FGG: variants seen among roughly 807,000 people sequenced by gnomAD.
The protein encoded by FGG is fibrinogen gamma chain, also known as fibrinogen, gamma polypeptide.
A neutral mutation model predicts 51.7 loss-of-function variants in FGG; 20 were observed. The ratio of observed to expected loss-of-function variants is 0.39; its 90% CI spans 0.27 to 0.56. FGG has a LOEUF of 0.56. FGG is among the 20% of genes least tolerant of loss of function. The pLI is 0.64. For missense variants in FGG, 460 were observed against 534.2 expected (o/e 0.86, Z 1.37); for synonymous variants, 184 against 184.7 (o/e 1.00, Z 0.03).
chr4:154,606,381 T>C (rs537051546), intron 8 of FGG, among the ~76,000 whole-genome samples: 1 of 152,278 alleles, frequency 6.6e-6, no homozygotes, highest in African/African-American at 2.4e-5. Context: ...CATGTAGTAA[T>C]GTTAATCCAT....
At position 154,604,824 on chromosome 4, in the gene FGG, A is replaced by G. The variant is rs1304123962; in HGVS notation, c.*10T>C. 2 of 1,613,784 alleles carry G rather than the reference A, an allele frequency of 1.2e-6. No individual in the cohort carries two copies. The highest frequency in any genetic ancestry group is 8.5e-7 in the Non-Finnish European group (1 of 1,179,870). ...ACTTTGTGGGTCAATAGAAGTTAGCAGTTAATTTTCTACAAATCATCCTCA... is the reference window on the plus strand; with the variant it reads ...ACTTTGTGGGTCAATAGAAGTTAGCGGTTAATTTTCTACAAATCATCCTCA... On this transcript the variant is annotated 3_prime_UTR_variant, in exon 9 of 9. Coordinates refer to ENST00000336098, the MANE Select transcript of FGG (RefSeq NM_021870.3).
chr4:154,606,964 C>T lies in FGG; in HGVS notation c.870G>A (p.Met290Ile). 1 of 1,608,696 alleles carries T rather than the reference C, an allele frequency of 6.2e-7. No individual in the cohort carries two copies. The change falls in exon 8 of 9, where the codon ATG becomes ATA. Residue 290 changes from methionine to isoleucine, a missense_variant. Met to Ile is a conservative substitution (Grantham distance 10). Transcript: ENST00000336098. ...TGTCAGCTTCAGGTCCCACCTTGAACATGGCATAGTCTGCAGTACTGAGAA... is the reference window on the plus strand; with the variant it reads ...TGTCAGCTTCAGGTCCCACCTTGAATATGGCATAGTCTGCAGTACTGAGAA... ...NGRTSTADYA[M>I]FKVGPEADKY...
intron 4 of FGG, 63 bp downstream of exon 4, chr4:154,611,742 G>A (rs72681242): frequency 9.2e-7 from 1 of 1,081,620 alleles, no homozygotes; most frequent in South Asian, 1.4e-5. Flanking sequence ...TTTCACTCAA[G>A]TATAGAATAT....
chr4:154,610,996 T>C (rs1183212409), intron 4 of FGG, among the ~76,000 whole-genome samples: 2 of 152,090 alleles, frequency 1.3e-5, no homozygotes, highest in Non-Finnish European at 1.5e-5. Flanking sequence ...TCTTAGGCAA[T>C]TTCTGTACAA....
chr4:154,609,970 C>G, intron 5 of FGG, 97 bp downstream of exon 5: 1 of 1,562,142 alleles, frequency 6.4e-7, no homozygotes, highest in Non-Finnish European at 8.8e-7. Flanking sequence ...AATGGGTAGC[C>G]ACTTTCTAAA....
In FGG at chr4:154,604,404, T is replaced by C. The variant is rs1187831289; in HGVS notation, c.*430A>G. The C allele has an allele frequency of 9.8e-6, 14 of 1,430,292 alleles. No homozygotes were observed. The highest frequency in any genetic ancestry group is 1.3e-5 in the Non-Finnish European group (14 of 1,072,876). 88.6% of individuals were successfully genotyped at this position (1,430,292 alleles called of 1,614,324 possible). A position where few individuals can be genotyped will look rare whatever the true frequency, so the allele number is the denominator to read the frequency against. ...ACCATATTAAAAAGACATAATTTTCTCCATTTAAAAAGAAGAATTAAATAG... is the reference window on the plus strand; with the variant it reads ...ACCATATTAAAAAGACATAATTTTCCCCATTTAAAAAGAAGAATTAAATAG... On this transcript the variant is annotated 3_prime_UTR_variant, in exon 9 of 9. Transcript: ENST00000336098.
Position 154,604,790 on chromosome 4 carries a change from A to G in FGG, c.*44T>C. 6.2e-7 allele frequency: 1 copy of G among 1,611,742 alleles called. No homozygotes were observed. The highest frequency in any genetic ancestry group is 1.3e-5 in the African/African-American group (1 of 74,988). On this transcript the variant is annotated 3_prime_UTR_variant, in exon 9 of 9. Transcript: ENST00000336098. Reference sequence around the variant, plus strand: ...GAAAAAAGGAAGAAACTTTCAGAGAATTTCTGAAACTTTGTGGGTCAATAG... The same window carrying G: ...GAAAAAAGGAAGAAACTTTCAGAGAGTTTCTGAAACTTTGTGGGTCAATAG...
chr4:154,604,649 AT>A lies in FGG; in HGVS notation c.*184del, dbSNP rs2110838218. 7.3e-7 allele frequency: 1 copy of A among 1,375,998 alleles called. No homozygotes were observed. The highest frequency in any genetic ancestry group is 2.6e-5 in the East Asian group (1 of 39,168). The allele number at this position is 1,375,998 out of a possible 1,614,324, so 85.2% of individuals were successfully genotyped here. ...GAAATGTTATCTCCTCAAATAAACA[AT>A]TTTTAAATAACTCTGATATCAGTAA... On this transcript the variant is annotated 3_prime_UTR_variant, in exon 9 of 9. Coordinates refer to ENST00000336098, the MANE Select transcript of FGG (RefSeq NM_021870.3).
At position 154,605,036 on chromosome 4, in the gene FGG, T is replaced by C. The variant is rs758380539; in HGVS notation, c.1160A>G (p.Asn387Ser). ...CCAAATAATGCCATTATCATAACCA[T>C]TAGGAGTAGATGCTTTTGAGTAAGT... ...GGTYSKASTPNGYDNGIIWAT... is the reference protein window; with the variant it reads ...GGTYSKASTPSGYDNGIIWAT... Residue 387 changes from asparagine (N) to serine (S), a missense_variant, in exon 9 of 9, where the codon AAT becomes AGT. Physicochemically the swap from Asn to Ser is conservative, Grantham distance 46 (BLOSUM62 1). Transcript: ENST00000336098. The C allele has an allele frequency of 6.2e-7, 1 of 1,613,968 alleles. No individual in the cohort carries two copies. The highest frequency in any genetic ancestry group is 8.5e-7 in the Non-Finnish European group (1 of 1,179,930).
chr4:154,610,598 A>T (rs1731193476), intron 4 of FGG, among the ~76,000 whole-genome samples: 1 of 152,172 alleles, frequency 6.6e-6, no homozygotes, highest in Non-Finnish European at 1.5e-5. Context: ...GGACTGGTTA[A>T]TAGGAACACC....
chr4:154,612,636 C>T lies in FGG; in HGVS notation c.-27G>A, dbSNP rs1408851938. ...ATGTCTGAGTGCCCGGAGCTCCGAG[C>T]CTTGTAGTGTCAGCACTGTCACCTC... On this transcript the variant is annotated 5_prime_UTR_variant, in exon 1 of 9. Transcript: ENST00000336098. The T allele has an allele frequency of 6.2e-7, 1 of 1,608,154 alleles. No homozygotes were observed. The highest frequency in any genetic ancestry group is 8.5e-7 in the Non-Finnish European group (1 of 1,174,932).
chr4:154,607,936 A>G (rs1731130450), intron 7 of FGG, among the ~76,000 whole-genome samples: 1 of 152,150 alleles, frequency 6.6e-6, no homozygotes, highest in African/African-American at 2.4e-5. Flanking sequence ...TAGCTGGTTT[A>G]CTTTTAGGGT....
At chr4:154,609,082 T>C (rs1194462341) in intron 6 of FGG, among the ~76,000 whole-genome samples, 2 of 151,802 alleles carry the variant, frequency 1.3e-5, no homozygotes, top group Non-Finnish European at 2.9e-5. Flanking sequence ...TGGTGGGAGG[T>C]AAACAGAAAG....
Position 154,604,857 on chromosome 4 carries a change from G to T in FGG, c.1339C>A (p.Leu447Ile). ...TTCTACAAATCATCCTCAGGGTAAA[G>T]TGAGTCATATTCTGTTTCCGCAGGG... ...EHPAETEYDS[L>I]YPEDDL Residue 447 changes from leucine (L) to isoleucine (I), a missense_variant, in exon 9 of 9, where the codon CTT becomes ATT. Physicochemically the swap from Leu to Ile is conservative, Grantham distance 5 (BLOSUM62 2). This residue lies in a region of FGG where 92 missense variants were observed against 93.7 expected (regional missense o/e 0.98). Coordinates refer to ENST00000336098, the MANE Select transcript of FGG (RefSeq NM_021870.3). 6.2e-7 allele frequency: 1 copy of T among 1,614,094 alleles called. No individual in the cohort carries two copies. The highest frequency in any genetic ancestry group is 1.1e-5 in the South Asian group (1 of 91,080).
chr4:154,605,057 T>G lies in FGG; in HGVS notation c.1139A>C (p.Tyr380Ser). The G allele has an allele frequency of 6.2e-7, 1 of 1,613,960 alleles. No homozygotes were observed. Among genetic ancestry groups the G allele is most frequent in the African/African-American group, 1.3e-5 (1 of 74,994 alleles). The part of the protein sequence containing the change: ...LNGVYYQGGT[Y>S]SKASTPNGYD... ...ACCATTAGGAGTAGATGCTTTTGAG[T>G]AAGTGCCACCTAAAACAAGTCGTAG... Residue 380 changes from tyrosine (Y) to serine (S), a missense_variant, in exon 9 of 9, where the codon TAC becomes TCC. Physicochemically the swap from Tyr to Ser is moderately radical, Grantham distance 144. Around this residue, in one of 3 missense-constraint regions of FGG, gnomAD observed 92 missense variants for 93.7 expected, o/e 0.98. Transcript: ENST00000336098.
intron 4 of FGG, chr4:154,611,562 C>G: frequency 3.1e-6 from 1 of 319,174 alleles, no homozygotes; most frequent in Non-Finnish European, 5.7e-6. Flanking sequence ...TATGGTCAAA[C>G]TAGCATTTGA....
chr4:154,610,156 A>G lies in FGG; in HGVS notation c.443T>C (p.Val148Ala). 6.2e-7 allele frequency: 1 copy of G among 1,601,238 alleles called. No individual in the cohort carries two copies. Among genetic ancestry groups the G allele is most frequent in the Non-Finnish European group, 8.6e-7 (1 of 1,168,392 alleles). The stretch of plus-strand genomic sequence containing the variant: ...CTGGGCTACCTTCTCTTTCAGGTTA[A>G]CAATCTTTTGATTATTTGAATTATA... ...EIYNSNNQKIVNLKEKVAQLE... is the reference protein window; with the variant it reads ...EIYNSNNQKIANLKEKVAQLE... The change falls in exon 5 of 9, where the codon GTT (valine) becomes GCT (alanine). Residue 148 changes from valine (V) to alanine (A), a missense_variant. By Grantham distance (64) the Val-to-Ala change is moderately conservative. Around this residue, in one of 3 missense-constraint regions of FGG, gnomAD observed 353 missense variants for 391.7 expected, o/e 0.90. Coordinates refer to ENST00000336098, the MANE Select transcript of FGG (RefSeq NM_021870.3).
rs1578812509 is a variant in FGG, at chr4:154,611,875, T to A, written c.331A>T (p.Lys111Ter). The change falls in exon 4 of 9, where the codon AAG (lysine) becomes TAG (stop). Residue 111 changes from lysine to a stop codon, truncating the protein, a stop_gained. Coordinates refer to ENST00000336098, the MANE Select transcript of FGG (RefSeq NM_021870.3). LOFTEE classifies it high-confidence loss of function. ...KPNMIDAATL[K>*]SRKMLEEIMK... ...ATTTCTTCTAACATTTTCCTGGACT[T>A]CAAAGTAGCAGCGTCTATCATATCT... is the stretch of plus-strand genomic sequence containing the variant. 4 of 1,612,240 alleles carry A rather than the reference T, an allele frequency of 2.5e-6. No individual in the cohort carries two copies. Among genetic ancestry groups the A allele is most frequent in the Non-Finnish European group, 3.4e-6 (4 of 1,179,224 alleles).
At chr4:154,609,855 T>A (rs1412659434) in intron 5 of FGG, 92 bp from the exon 6 acceptor site, 46 of 1,581,980 alleles carry the variant, frequency 2.9e-5, no homozygotes, top group Non-Finnish European at 4.0e-5. Flanking sequence ...TAGTAAACTA[T>A]TCATTTTCCA....
Sources: gnomAD v4.1 joint callset for allele counts (sites outside exome capture counted in the v4.1 genomes callset) on GRCh38, gnomAD v4.1.1 for gene constraint, gnomAD v4.1.1 regional missense constraint, MANE v1.5 for transcripts, NCBI Gene and HGNC (gene_info 2026-07-23, HGNC 2026-07-21) for gene names.